CWC22: variants seen among roughly 807,000 people sequenced by gnomAD.
The protein encoded by CWC22 is CWC22 spliceosome associated protein, also known as pre-mRNA-splicing factor CWC22 homolog.
CWC22 carries 53 observed loss-of-function variants against 117.2 expected under a neutral mutation model. That is an observed-to-expected ratio of 0.45 (90% CI 0.36 to 0.57). The LOEUF is 0.57. Among genes scored for constraint, CWC22 ranks in the 20% least tolerant of loss-of-function variants. CWC22 has a pLI of 0.00. For missense variants in CWC22, 980 were observed against 1,068.8 expected (o/e 0.92, Z 1.16); for synonymous variants, 360 against 355.6 (o/e 1.01, Z -0.14).
chr2:179,973,261 T>C lies in CWC22; in HGVS notation c.751-15A>G, dbSNP rs778831692. 7 of 1,586,138 alleles carry C rather than the reference T, an allele frequency of 4.4e-6. No individual in the cohort carries two copies. Among genetic ancestry groups the C allele is most frequent in the East Asian group, 2.3e-5 (1 of 44,094 alleles). On this transcript the variant is annotated splice_polypyrimidine_tract_variant and intron_variant, in intron 7 of 19. Transcript: ENST00000410053. ...AGGCAAAGTTGCTGAAAAATAAAGG[T>C]GGAAAGTTAACCTATAAACTAAACC... is the stretch of plus-strand genomic sequence containing the variant.
intron 2 of CWC22, among the ~76,000 whole-genome samples, chr2:179,992,222 T>A (rs1439317610): frequency 6.6e-6 from 1 of 152,190 alleles, no homozygotes; most frequent in African/African-American, 2.4e-5. Context: ...TTTAAATCCA[T>A]GCAGTTGAAG....
At chr2:179,982,939 C>A (rs1363079933) in intron 4 of CWC22, among the ~76,000 whole-genome samples, 1 of 152,060 alleles carries the variant, frequency 6.6e-6, no homozygotes, top group Non-Finnish European at 1.5e-5. Flanking sequence ...AAGTAAATTT[C>A]ATATTATCAC....
intron 4 of CWC22, among the ~76,000 whole-genome samples, chr2:179,984,436 G>A (rs1687362742): frequency 6.6e-6 from 1 of 152,040 alleles, no homozygotes; most frequent in South Asian, 2.1e-4. Context: ...TGACATTATA[G>A]GATTAGGTAT....
At chr2:179,951,866 A>G (rs1050618739) in intron 17 of CWC22, among the ~76,000 whole-genome samples, 1 of 152,100 alleles carries the variant, frequency 6.6e-6, no homozygotes, top group Non-Finnish European at 1.5e-5. Context: ...GTGAGTAGGT[A>G]GTCAACTGCA....
intron 13 of CWC22, among the ~76,000 whole-genome samples, chr2:179,963,724 TC>T (rs1686820327): frequency 1.3e-5 from 2 of 152,194 alleles, no homozygotes; most frequent in Admixed American, 6.5e-5. Flanking sequence ...TGTTTAACGT[TC>T]CTCTATTTGA....
chr2:179,979,152 A>C (rs1239364220), intron 5 of CWC22, among the ~76,000 whole-genome samples: 2 of 152,194 alleles, frequency 1.3e-5, no homozygotes, highest in Non-Finnish European at 2.9e-5. Flanking sequence ...TGGTGAAATC[A>C]GTAGACTTTT....
intron 19 of CWC22, among the ~76,000 whole-genome samples, chr2:179,949,705 G>T (rs1686399137): frequency 6.6e-6 from 1 of 152,014 alleles, no homozygotes; most frequent in Non-Finnish European, 1.5e-5. Context: ...AATAAATAAG[G>T]TCATCAAAAG....
chr2:179,986,818 A>T lies in CWC22; in HGVS notation c.96-13T>A. On this transcript the variant is annotated splice_polypyrimidine_tract_variant and intron_variant, in intron 3 of 19. Coordinates refer to ENST00000410053, the MANE Select transcript of CWC22 (RefSeq NM_020943.3). ...TTGTTCTTCATATCTAACATAAAAT[A>T]AGAAAACCAAGTTGCAAATTAAAAA... 1 of 1,449,144 alleles carries T rather than the reference A, an allele frequency of 6.9e-7. No individual in the cohort carries two copies. The highest frequency in any genetic ancestry group is 2.2e-5 in the Admixed American group (1 of 44,796). 89.8% of individuals were successfully genotyped at this position (1,449,144 alleles called of 1,614,324 possible). A position where few individuals can be genotyped will look rare whatever the true frequency, so the allele number is the denominator to read the frequency against.
chr2:179,955,733 G>A (rs1046905243), intron 14 of CWC22, among the ~76,000 whole-genome samples: 1 of 151,790 alleles, frequency 6.6e-6, no homozygotes, highest in Admixed American at 6.6e-5. Flanking sequence ...TTAAACTAAT[G>A]GATAAATGCC....
chr2:179,980,897 C>T (rs977988603), intron 5 of CWC22, among the ~76,000 whole-genome samples: 4 of 152,192 alleles, frequency 2.6e-5, no homozygotes, highest in Admixed American at 6.5e-5. Flanking sequence ...TGGGACCATA[C>T]ATTCCCTAGT....
chr2:180,005,856 C>T (rs1047321601), intron 1 of CWC22, among the ~76,000 whole-genome samples: 3 of 152,194 alleles, frequency 2.0e-5, no homozygotes, highest in Non-Finnish European at 2.9e-5. Context: ...CTTTAGGTAA[C>T]TTGCTCCAAG....
chr2:179,987,458 A>G (rs1388871588), intron 3 of CWC22, among the ~76,000 whole-genome samples: 1 of 151,910 alleles, frequency 6.6e-6, no homozygotes, highest in Non-Finnish European at 1.5e-5. Flanking sequence ...ACACACAAAT[A>G]CCTGTGTGTG....
At position 179,970,495 on chromosome 2, in the gene CWC22, A is replaced by G. The variant is rs1469484999; in HGVS notation, c.1210+6T>C. The G allele has an allele frequency of 6.6e-7, 1 of 1,520,914 alleles. No homozygotes were observed. The highest frequency in any genetic ancestry group is 1.4e-5 in the African/African-American group (1 of 71,858). The allele number at this position is 1,520,914 out of a possible 1,614,324, so 94.2% of individuals were successfully genotyped here. A position where few individuals can be genotyped will look rare whatever the true frequency, so the allele number is the denominator to read the frequency against. ...AAACTAAATTATTTTATAAAATTTT[A>G]CATACCTTTCTTAATAGCTTTGTAC... On this transcript the variant is annotated splice_donor_region_variant and intron_variant, in intron 11 of 19. Transcript: ENST00000410053.
At chr2:179,999,284 G>A (rs547133532) in intron 1 of CWC22, among the ~76,000 whole-genome samples, 2 of 152,180 alleles carry the variant, frequency 1.3e-5, no homozygotes, top group Admixed American at 1.3e-4. Flanking sequence ...AGCACTCTCT[G>A]CTCTTCTAAG....
At chr2:179,999,938 C>A (rs1191484143) in intron 1 of CWC22, among the ~76,000 whole-genome samples, 1 of 152,052 alleles carries the variant, frequency 6.6e-6, no homozygotes, top group Non-Finnish European at 1.5e-5. Flanking sequence ...GGGGACATAA[C>A]GGAACGGAAT....
chr2:179,955,419 T>C lies in CWC22; in HGVS notation c.1459-385A>G, dbSNP rs77377164. On this transcript the variant is annotated intron_variant, in intron 14 of 19. Coordinates refer to ENST00000410053, the MANE Select transcript of CWC22 (RefSeq NM_020943.3). ...ACCAACACAACATCTAACAATTCAG[T>C]TACATATGTCCCAAGGATATGAATT... is the stretch of plus-strand genomic sequence containing the variant. 2.1e-3 allele frequency among the ~76,000 whole-genome samples: 317 copies of C among 152,098 alleles called. 9 individuals are homozygous for C. The East Asian group carries it at 0.05, about 24-fold the overall frequency.
chr2:179,952,784 T>C (rs1686485681), intron 16 of CWC22, among the ~76,000 whole-genome samples, 186 bp from the exon 17 acceptor site: 1 of 152,134 alleles, frequency 6.6e-6, no homozygotes, highest in Non-Finnish European at 1.5e-5. Flanking sequence ...ATACTAACTT[T>C]CAAAATGTTA....
intron 6 of CWC22, among the ~76,000 whole-genome samples, chr2:179,975,353 G>A (rs1687130195): frequency 6.6e-6 from 1 of 152,136 alleles, no homozygotes; most frequent in African/African-American, 2.4e-5. Context: ...GTGACAAGCT[G>A]AAAGCTTTTC....
chr2:180,003,109 A>G (rs1259558403), intron 1 of CWC22, among the ~76,000 whole-genome samples: 1 of 152,242 alleles, frequency 6.6e-6, no homozygotes, highest in Admixed American at 6.5e-5. Flanking sequence ...ATCAAGGAAT[A>G]CAACAGCAGC....
Sources: gnomAD v4.1 joint callset for allele counts (sites outside exome capture counted in the v4.1 genomes callset) on GRCh38, gnomAD v4.1.1 for gene constraint, MANE v1.5 for transcripts, NCBI Gene and HGNC (gene_info 2026-07-23, HGNC 2026-07-21) for gene names.